FAT3: variants seen among roughly 807,000 people sequenced by gnomAD.
FAT3 encodes the protein protocadherin Fat 3.
Under a neutral mutation model 310.2 loss-of-function variants are expected in FAT3, and 95 were observed. The observed-to-expected ratio is 0.31, with a 90% CI of 0.26 to 0.36. The LOEUF (loss-of-function observed/expected upper bound fraction) is 0.36, where lower values mean the gene tolerates loss of function less well. Among genes scored for constraint, FAT3 ranks in the 10% least tolerant of loss-of-function variants. The pLI, the probability that FAT3 is intolerant of heterozygous loss-of-function variation, is 1.00. For synonymous variants in FAT3, 2,314 were observed against 2,192.9 expected, an observed-to-expected ratio of 1.06 and a Z score of -1.54; for missense variants, 5,408 against 5,715.6, an observed-to-expected ratio of 0.95 and a Z score of 1.74.
At chr11:92,581,749 C>T (rs910765308) in intron 3 of FAT3, among the ~76,000 whole-genome samples, 6 of 151,918 alleles carry the variant, frequency 3.9e-5, no homozygotes, top group Non-Finnish European at 7.4e-5. Context: ...TATACATACA[C>T]ATACATATAT....
Position 92,800,544 on chromosome 11 carries a change from G to A in FAT3, c.7531G>A (p.Ala2511Thr). The change falls in exon 10 of 28, where the codon GCA (alanine) becomes ACA (threonine). Residue 2511 changes from alanine to threonine, a missense_variant. Transcript: ENST00000525166. Reference sequence around the variant, plus strand: ...AGCTGAGGTGAGAGAGAACGTGGCTGCAGGAACAAAGGTAATTCATGTTCG... The same window carrying A: ...AGCTGAGGTGAGAGAGAACGTGGCTACAGGAACAAAGGTAATTCATGTTCG... ...YVAEVRENVA[A>T]GTKVIHVRAT... The A allele has an allele frequency of 6.2e-7, 1 of 1,613,872 alleles. No individual in the cohort carries two copies.
At chr11:92,427,989 A>C (rs1296549860) in intron 2 of FAT3, among the ~76,000 whole-genome samples, 1 of 151,894 alleles carries the variant, frequency 6.6e-6, no homozygotes, top group Non-Finnish European at 1.5e-5. Flanking sequence ...CTGTGAATCC[A>C]TCTGGTTGGT....
intron 4 of FAT3, chr11:92,748,968 G>A (rs191328910): frequency 6.6e-6 from 1 of 152,316 alleles, no homozygotes; most frequent in East Asian, 1.9e-4. Flanking sequence ...TCCCAGGAAT[G>A]CAGTAGTCTG....
Position 92,361,670 on chromosome 11 carries a change from GT to G in FAT3, c.3292+6277del, listed in dbSNP as rs35157844. On this transcript the variant is annotated intron_variant, in intron 2 of 27. Coordinates refer to ENST00000525166, the MANE Select transcript of FAT3 (RefSeq NM_001367949.2). ...AAATTACCCAGTGTAAGGTTGTAAG[GT>G]TTTTTTTTTTATAGCAACTTAAACT... is the stretch of plus-strand genomic sequence containing the variant. Among the ~76,000 whole-genome samples the G allele has an allele frequency of 8.3e-3, 1,216 of 147,120 alleles. 21 individuals are homozygous for G. Among genetic ancestry groups the G allele is most frequent in the African/African-American group, 0.026 (1,039 of 40,380 alleles).
chr11:92,602,368 G>T (rs1940070868), intron 3 of FAT3, among the ~76,000 whole-genome samples: 1 of 152,194 alleles, frequency 6.6e-6, no homozygotes, highest in African/African-American at 2.4e-5. Context: ...CTACCAGAGT[G>T]CTGGGATTAC....
At chr11:92,342,711 G>A (rs1246300628) in intron 1 of FAT3, among the ~76,000 whole-genome samples, 2 of 152,018 alleles carry the variant, frequency 1.3e-5, no homozygotes, top group Non-Finnish European at 2.9e-5. Context: ...ACTAGAAAAG[G>A]TTTTCTTTTT....
chr11:92,235,334 T>TATTG (rs1162499358), intron 1 of FAT3, among the ~76,000 whole-genome samples: 2 of 152,162 alleles, frequency 1.3e-5, no homozygotes, highest in South Asian at 4.1e-4. Context: ...GTCCTGAAGG[T>TATTG]ATTGCTTACA....
intron 3 of FAT3, among the ~76,000 whole-genome samples, chr11:92,556,667 T>C (rs929622590): frequency 1.3e-5 from 2 of 152,204 alleles, no homozygotes; most frequent in African/African-American, 4.8e-5. Context: ...TTCATGAACA[T>C]GCTTAAGTTT....
chr11:92,330,772 C>G lies in FAT3; in HGVS notation c.-17-21324C>G, dbSNP rs546928459. ...ATTCATTTGAATGTTGCTATTATGC[C>G]TACAAAATGTGTAATTGTTTTATTT... is the stretch of plus-strand genomic sequence containing the variant. On this transcript the variant is annotated intron_variant, in intron 1 of 27. Coordinates refer to ENST00000525166, the MANE Select transcript of FAT3 (RefSeq NM_001367949.2). 9.9e-5 allele frequency among the ~76,000 whole-genome samples: 15 copies of G among 152,116 alleles called. No homozygotes were observed. In the South Asian group the frequency reaches 3.1e-3, roughly 32 times the overall value.
intron 2 of FAT3, among the ~76,000 whole-genome samples, chr11:92,489,933 C>T (rs1952555278): frequency 6.7e-6 from 1 of 150,152 alleles, no homozygotes. Flanking sequence ...AAAGAGGCAG[C>T]TCAGAAAACT....
intron 20 of FAT3, among the ~76,000 whole-genome samples, chr11:92,857,582 A>G (rs1386523470): frequency 1.3e-5 from 2 of 152,182 alleles, no homozygotes; most frequent in African/African-American, 2.4e-5. Context: ...TAATGGAGAG[A>G]CTGCAACATG....
intron 1 of FAT3, among the ~76,000 whole-genome samples, chr11:92,350,093 T>C (rs1948524653): frequency 6.6e-6 from 1 of 152,040 alleles, no homozygotes; most frequent in Non-Finnish European, 1.5e-5. Flanking sequence ...CACAGTTTCA[T>C]GACTATGTGG....
intron 4 of FAT3, among the ~76,000 whole-genome samples, chr11:92,700,711 C>G (rs1454172790): frequency 1.3e-5 from 2 of 152,134 alleles, no homozygotes; most frequent in Non-Finnish European, 2.9e-5. Context: ...CCAAGCTCGC[C>G]ACACACACCA....
intron 2 of FAT3, among the ~76,000 whole-genome samples, chr11:92,438,984 A>G (rs1418183638): frequency 6.6e-6 from 1 of 152,216 alleles, no homozygotes; most frequent in Non-Finnish European, 1.5e-5. Context: ...CAGGCATCCA[A>G]GTGACACAGA....
Position 92,800,695 on chromosome 11 carries a change from A to G in FAT3, c.7682A>G (p.Glu2561Gly). 1 of 1,613,848 alleles carries G rather than the reference A, an allele frequency of 6.2e-7. No homozygotes were observed. The highest frequency in any genetic ancestry group is 8.5e-7 in the Non-Finnish European group (1 of 1,179,850). The change falls in exon 10 of 28, where the codon GAA becomes GGA. Residue 2561 changes from glutamate to glycine, a missense_variant. By Grantham distance (98) the Glu-to-Gly change is moderately conservative (BLOSUM62 -2). Transcript: ENST00000525166. ...ATCACCACAGAAAGGCTAGACCGGG[A>G]AAACCCTCTAGAAGGGGATGTTAGT... ...QVITTERLDR[E>G]NPLEGDVSIF...
At chr11:92,783,277 G>T (rs983563330) in intron 7 of FAT3, among the ~76,000 whole-genome samples, 23 of 135,090 alleles carry the variant, frequency 1.7e-4, no homozygotes, top group African/African-American at 5.8e-4. Flanking sequence ...AGAATCACTT[G>T]AATCTGGGAG....
intron 1 of FAT3, among the ~76,000 whole-genome samples, chr11:92,287,905 G>A (rs1389291524): frequency 6.6e-6 from 1 of 152,062 alleles, no homozygotes; most frequent in Non-Finnish European, 1.5e-5. Flanking sequence ...TTGTTAAAGT[G>A]GCCTAAGTTT....
At chr11:92,411,969 T>A (rs1388579550) in intron 2 of FAT3, among the ~76,000 whole-genome samples, 1 of 152,108 alleles carries the variant, frequency 6.6e-6, no homozygotes, top group Non-Finnish European at 1.5e-5. Context: ...ATCATTTTCA[T>A]TGCTCTTGTC....
At chr11:92,329,565 A>T (rs12272555) in intron 1 of FAT3, among the ~76,000 whole-genome samples, 11,242 of 151,582 alleles carry the variant, frequency 0.074, 578 homozygotes, top group African/African-American at 0.14. Flanking sequence ...GCTGTTAATT[A>T]AGTTTATATT....
Sources: gnomAD v4.1 joint callset for allele counts (sites outside exome capture counted in the v4.1 genomes callset) on GRCh38, gnomAD v4.1.1 for gene constraint, MANE v1.5 for transcripts, NCBI Gene and HGNC (gene_info 2026-07-23, HGNC 2026-07-21) for gene names.